Variants in FRMPD4 observed in about 807,000 individuals in gnomAD.
FRMPD4 encodes FERM and PDZ domain-containing protein 4.
Under a neutral mutation model 94.1 loss-of-function variants are expected in FRMPD4, and 22 were observed. The ratio of observed to expected loss-of-function variants is 0.23; its 90% CI spans 0.17 to 0.33. The LOEUF is 0.33. Ranked by LOEUF, FRMPD4 falls within the 10% of genes least tolerant of loss-of-function variation. FRMPD4 has a pLI of 1.00. For synonymous variants in FRMPD4, 631 were observed against 548.6 expected (o/e 1.15, Z -2.10); for missense variants, 1,111 against 1,339.9 (o/e 0.83, Z 2.67).
intron 3 of FRMPD4, among the ~76,000 whole-genome samples, chrX:11,891,100 A>T (rs930519978): frequency 4.4e-5 from 5 of 112,544 alleles, no homozygotes; most frequent in African/African-American, 1.6e-4. Context: ...TTCCTCTTTT[A>T]GACACGTCTT....
At chrX:12,006,678 C>T (rs1333384088) in intron 3 of FRMPD4, among the ~76,000 whole-genome samples, 1 of 112,259 alleles carries the variant, frequency 8.9e-6, no homozygotes, top group East Asian at 2.8e-4. Context: ...ACAGCTGCCA[C>T]ATCTTACTTT....
At chrX:12,702,449 C>T (rs1305029615) in intron 10 of FRMPD4, among the ~76,000 whole-genome samples, 1 of 111,871 alleles carries the variant, frequency 8.9e-6, no homozygotes, top group Non-Finnish European at 1.9e-5. Flanking sequence ...GGCAGTGGGA[C>T]TCCCCGTTGT....
At chrX:11,894,612 GT>G in intron 3 of FRMPD4, among the ~76,000 whole-genome samples, 1 of 112,265 alleles carries the variant, frequency 8.9e-6, no homozygotes. Context: ...ATCCAGGCAT[GT>G]TTTTAAAGCC....
At chrX:12,238,352 G>A (rs2057094132) in intron 1 of FRMPD4, among the ~76,000 whole-genome samples, 1 of 110,452 alleles carries the variant, frequency 9.1e-6, no homozygotes, top group Admixed American at 9.7e-5. Flanking sequence ...TCGAACTCTC[G>A]ACCTCAGGTG....
chrX:12,252,621 T>A (rs1347254031), intron 1 of FRMPD4, among the ~76,000 whole-genome samples: 1 of 112,082 alleles, frequency 8.9e-6, no homozygotes, highest in Non-Finnish European at 1.9e-5. Context: ...AATATCACAA[T>A]GAAAAATGTG....
intron 3 of FRMPD4, among the ~76,000 whole-genome samples, chrX:11,923,982 T>A (rs1430574059): frequency 8.9e-6 from 1 of 111,814 alleles, no homozygotes; most frequent in East Asian, 2.8e-4. Flanking sequence ...GGAATTAAGA[T>A]CATCAGCTAT....
intron 9 of FRMPD4, among the ~76,000 whole-genome samples, chrX:12,696,396 T>C (rs2060129497): frequency 9.0e-6 from 1 of 110,670 alleles, no homozygotes; most frequent in Middle Eastern, 4.2e-3. Context: ...TCCTATATTT[T>C]ACTATAACTG....
intron 1 of FRMPD4, among the ~76,000 whole-genome samples, chrX:11,846,520 G>GA (rs1396516543): frequency 2.7e-5 from 3 of 109,113 alleles, no homozygotes; most frequent in Non-Finnish European, 3.8e-5. Flanking sequence ...CACAGAATTG[G>GA]AAAAAACTAC....
chrX:12,712,230 A>C (rs867553494), intron 14 of FRMPD4, among the ~76,000 whole-genome samples: 1 of 103,770 alleles, frequency 9.6e-6, no homozygotes, highest in Non-Finnish European at 2.0e-5. Context: ...AAAAAAAAAA[A>C]ACAGAGGCAG....
chrX:12,680,901 T>G (rs993901086), intron 5 of FRMPD4, among the ~76,000 whole-genome samples: 19 of 110,733 alleles, frequency 1.7e-4, no homozygotes, highest in Admixed American at 1.6e-3. Flanking sequence ...GCTATTTACT[T>G]CAGGGGCAAG....
chrX:12,077,238 A>G (rs1436184156), intron 3 of FRMPD4, among the ~76,000 whole-genome samples: 1 of 111,703 alleles, frequency 9.0e-6, no homozygotes, highest in African/African-American at 3.3e-5. Flanking sequence ...TTTAGACCCC[A>G]CATTTGTGTT....
intron 3 of FRMPD4, among the ~76,000 whole-genome samples, chrX:12,083,736 A>T (rs1192974346): frequency 1.8e-5 from 2 of 112,547 alleles, no homozygotes; most frequent in Non-Finnish European, 3.8e-5. Flanking sequence ...CATCTGAATG[A>T]CCTGGATGTG....
At chrX:12,081,245 G>T (rs983807239) in intron 3 of FRMPD4, among the ~76,000 whole-genome samples, 3 of 111,682 alleles carry the variant, frequency 2.7e-5, no homozygotes, top group African/African-American at 9.7e-5. Context: ...TTGGGTTGAG[G>T]TTAATGCTGA....
intron 1 of FRMPD4, among the ~76,000 whole-genome samples, chrX:12,457,475 G>A (rs922706809): frequency 9.0e-6 from 1 of 111,478 alleles, no homozygotes; most frequent in East Asian, 2.8e-4. Flanking sequence ...GTACTTTGTT[G>A]AATCACCTCT....
chrX:12,351,809 A>G (rs1344360377), intron 1 of FRMPD4, among the ~76,000 whole-genome samples: 1 of 112,744 alleles, frequency 8.9e-6, no homozygotes, highest in African/African-American at 3.2e-5. Flanking sequence ...AGTTTCATCA[A>G]TGTAGTGGTA....
chrX:12,584,272 T>C (rs1322524108), intron 2 of FRMPD4, among the ~76,000 whole-genome samples: 1 of 112,135 alleles, frequency 8.9e-6, no homozygotes, highest in Admixed American at 9.4e-5. Flanking sequence ...CTGGATTCAC[T>C]AGTTGAGAGT....
intron 1 of FRMPD4, among the ~76,000 whole-genome samples, chrX:12,319,632 G>A (rs1245723674): frequency 8.9e-6 from 1 of 112,098 alleles, no homozygotes; most frequent in Admixed American, 9.4e-5. Flanking sequence ...CCCAGACTTA[G>A]TGGAAAGAGG....
At position 12,176,765 on chromosome X, in the gene FRMPD4, A is replaced by C. The variant is rs764096164; in HGVS notation, c.41+37753A>C. 2.7e-5 allele frequency among the ~76,000 whole-genome samples: 3 copies of C among 112,306 alleles called. No homozygotes were observed. In the South Asian group the frequency reaches 1.1e-3, roughly 41 times the overall value. ...ACATTTGGGATGTATAGTTTGGCCA[A>C]AGGCAAAGATAATATAAGGAAATGT... is the stretch of plus-strand genomic sequence containing the variant. On this transcript the variant is annotated intron_variant, in intron 1 of 16. Coordinates refer to ENST00000675598, the MANE Select transcript of FRMPD4 (RefSeq NM_001368397.1).
chrX:12,668,958 A>G (rs998049398), intron 4 of FRMPD4, among the ~76,000 whole-genome samples: 1 of 111,799 alleles, frequency 8.9e-6, no homozygotes, highest in African/African-American at 3.3e-5. Context: ...CTCTTTATGC[A>G]TGTGGCAGGC....
Sources: gnomAD v4.1 joint callset for allele counts (sites outside exome capture counted in the v4.1 genomes callset) on GRCh38, gnomAD v4.1.1 for gene constraint, MANE v1.5 for transcripts, NCBI Gene and HGNC (gene_info 2026-07-23, HGNC 2026-07-21) for gene names.